Variants in CDH12 observed in about 807,000 individuals in gnomAD.
CDH12 encodes cadherin 12.
A neutral mutation model predicts 74.1 loss-of-function variants in CDH12; 41 were observed. That is an observed-to-expected ratio of 0.55 (90% CI 0.43 to 0.72). The LOEUF (loss-of-function observed/expected upper bound fraction) is 0.72, where lower values mean the gene tolerates loss of function less well. Ranked by LOEUF, CDH12 falls within the 30% of genes least tolerant of loss-of-function variation. The probability of loss-of-function intolerance (pLI) is 0.00; values close to 1 mark genes in which losing one functional copy is unlikely to be tolerated. For missense variants in CDH12, 945 were observed against 977.2 expected, an observed-to-expected ratio of 0.97 and a Z score of 0.44; for synonymous variants, 399 against 355.0, an observed-to-expected ratio of 1.12 and a Z score of -1.39.
intron 3 of CDH12, among the ~76,000 whole-genome samples, chr5:22,270,141 CT>C (rs1374415238): frequency 6.6e-6 from 1 of 152,106 alleles, no homozygotes; most frequent in East Asian, 1.9e-4. Flanking sequence ...TCTTATTTCA[CT>C]TTTTCTGTAT....
intron 6 of CDH12, among the ~76,000 whole-genome samples, chr5:21,864,697 C>T (rs776884035): frequency 1.3e-5 from 2 of 152,006 alleles, no homozygotes; most frequent in Admixed American, 6.6e-5. Context: ...TTTGAAACTG[C>T]GTAATGGATG....
intron 4 of CDH12, among the ~76,000 whole-genome samples, chr5:22,098,709 T>A (rs1466021257): frequency 6.6e-6 from 1 of 152,114 alleles, no homozygotes; most frequent in Non-Finnish European, 1.5e-5. Context: ...CCCACATTAT[T>A]CCTGATACCA....
At chr5:21,976,570 A>C (rs1304715993) in intron 5 of CDH12, among the ~76,000 whole-genome samples, 1 of 151,080 alleles carries the variant, frequency 6.6e-6, no homozygotes. Flanking sequence ...TAGTCTTATA[A>C]ATAATATTTA....
chr5:22,248,998 C>A (rs764646033), intron 3 of CDH12, among the ~76,000 whole-genome samples: 1 of 151,928 alleles, frequency 6.6e-6, no homozygotes, highest in Non-Finnish European at 1.5e-5. Flanking sequence ...TACCTTTTAC[C>A]GTTCTGTAAA....
chr5:22,833,333 C>T (rs1428776908), intron 1 of CDH12, among the ~76,000 whole-genome samples: 1 of 152,156 alleles, frequency 6.6e-6, no homozygotes, highest in East Asian at 1.9e-4. Context: ...GGCCAGAACA[C>T]AGTGCTGGCC....
intron 12 of CDH12, among the ~76,000 whole-genome samples, chr5:21,761,153 C>T (rs1303417439): frequency 1.3e-5 from 2 of 152,006 alleles, no homozygotes; most frequent in Non-Finnish European, 2.9e-5. Context: ...GATACAAAAG[C>T]TGTATATCTG....
At chr5:22,670,178 A>ATTTG (rs1395712293) in intron 1 of CDH12, among the ~76,000 whole-genome samples, 20 of 151,842 alleles carry the variant, frequency 1.3e-4, no homozygotes, top group African/African-American at 4.1e-4. Flanking sequence ...CTTTTTGTTT[A>ATTTG]TTTGTTTGTT....
intron 1 of CDH12, among the ~76,000 whole-genome samples, chr5:22,849,137 A>G (rs1737436687): frequency 6.6e-6 from 1 of 152,078 alleles, no homozygotes; most frequent in Non-Finnish European, 1.5e-5. Flanking sequence ...TAGCTTAGAG[A>G]TGAGGAAGGT....
intron 3 of CDH12, among the ~76,000 whole-genome samples, chr5:22,235,764 A>G (rs1458102215): frequency 1.3e-5 from 2 of 152,190 alleles, no homozygotes; most frequent in Admixed American, 1.3e-4. Context: ...AGAAAGAAAA[A>G]TAAGGAAAAG....
intron 1 of CDH12, among the ~76,000 whole-genome samples, chr5:22,778,975 T>C (rs1747249775): frequency 6.6e-6 from 1 of 152,142 alleles, no homozygotes; most frequent in Non-Finnish European, 1.5e-5. Flanking sequence ...GTAAAAGATA[T>C]AAAGGCTGTC....
rs1748919241 is a variant in CDH12, at chr5:22,169,861, G to A, written c.-187+42637C>T. Among the ~76,000 whole-genome samples, 5 of 151,828 alleles carry A rather than the reference G, an allele frequency of 3.3e-5. No homozygotes were observed. The South Asian group carries it at 8.3e-4, about 25-fold the overall frequency. ...TTTAAGGTCATAGATTTAGGAAGTG[G>A]TATTTTTGAGATTCCATCCTGAGCC... On this transcript the variant is annotated intron_variant, in intron 4 of 14. Coordinates refer to ENST00000382254, the MANE Select transcript of CDH12 (RefSeq NM_004061.5).
chr5:22,850,942 T>C (rs1737525212), intron 1 of CDH12, among the ~76,000 whole-genome samples: 2 of 152,142 alleles, frequency 1.3e-5, no homozygotes, highest in Admixed American at 1.3e-4. Flanking sequence ...CTCATAATGA[T>C]AAAGGATTGA....
intron 1 of CDH12, among the ~76,000 whole-genome samples, chr5:22,838,205 G>A (rs769533808): frequency 6.6e-6 from 1 of 152,146 alleles, no homozygotes; most frequent in Admixed American, 6.5e-5. Context: ...TTCCTTGGCT[G>A]TAGACCCGTA....
At chr5:21,850,590 A>G (rs920689172) in intron 7 of CDH12, among the ~76,000 whole-genome samples, 1 of 151,590 alleles carries the variant, frequency 6.6e-6, no homozygotes, top group African/African-American at 2.4e-5. Flanking sequence ...GAAGACATAC[A>G]AGAATAATAT....
intron 5 of CDH12, among the ~76,000 whole-genome samples, chr5:22,020,876 G>A (rs149672517): frequency 6.6e-6 from 1 of 151,678 alleles, no homozygotes. Flanking sequence ...ACATAGCACA[G>A]GGACTATTGT....
intron 6 of CDH12, among the ~76,000 whole-genome samples, chr5:21,891,205 A>T (rs569988626): frequency 5.3e-5 from 8 of 152,134 alleles, no homozygotes; most frequent in Non-Finnish European, 8.8e-5. Flanking sequence ...ATTGAGATAA[A>T]GTAGAACTAG....
In CDH12 at chr5:22,627,108, G is replaced by A. The variant is rs142926814; in HGVS notation, c.-522-121744C>T. Among the ~76,000 whole-genome samples the A allele has an allele frequency of 4.4e-3, 672 of 152,146 alleles. 16 individuals are homozygous for A. The highest frequency in any genetic ancestry group is 0.033 in the Admixed American group (505 of 15,270). ...GATTATGTAAAGAGACAATATCTAC[G>A]ACTCATTGGTATCCCTAAAAGAGAG... On this transcript the variant is annotated intron_variant, in intron 1 of 14. Coordinates refer to ENST00000382254, the MANE Select transcript of CDH12 (RefSeq NM_004061.5).
intron 6 of CDH12, among the ~76,000 whole-genome samples, chr5:21,945,236 C>G (rs906614851): frequency 4.0e-5 from 6 of 151,536 alleles, no homozygotes; most frequent in African/African-American, 2.4e-5. Flanking sequence ...ACCATCCTGT[C>G]CAACATGGCG....
In CDH12 at chr5:22,397,446, T is replaced by C. The variant is rs376404782; in HGVS notation, c.-333+7811A>G. On this transcript the variant is annotated intron_variant, in intron 3 of 14. Transcript: ENST00000382254. ...AATTTACATTTGAAACTAATTGCAA[T>C]TGATTCCAGGTTTTTTTTTTTTTTT... Among the ~76,000 whole-genome samples, 19 of 151,556 alleles carry C rather than the reference T, an allele frequency of 1.3e-4. No homozygotes were observed. In the East Asian group the frequency reaches 2.5e-3, roughly 20 times the overall value.
Sources: gnomAD v4.1 joint callset for allele counts (sites outside exome capture counted in the v4.1 genomes callset) on GRCh38, gnomAD v4.1.1 for gene constraint, MANE v1.5 for transcripts, NCBI Gene and HGNC (gene_info 2026-07-23, HGNC 2026-07-21) for gene names.